Variants in OXNAD1 observed in about 807,000 individuals in gnomAD.
The protein encoded by OXNAD1 is oxidoreductase NAD binding domain containing 1, also known as oxidoreductase NAD-binding domain-containing protein 1.
Under a neutral mutation model 32.9 loss-of-function variants are expected in OXNAD1, and 34 were observed. The ratio of observed to expected loss-of-function variants is 1.03; its 90% CI spans 0.79 to 1.38. The LOEUF is 1.38. Ranked by LOEUF, OXNAD1 falls within the 40% of genes most tolerant of loss-of-function variation. OXNAD1 has a pLI of 0.00. For synonymous variants in OXNAD1, 134 were observed against 135.2 expected (o/e 0.99, Z 0.06); for missense variants, 407 against 379.4 (o/e 1.07, Z -0.60).
chr3:16,341,310 C>T (rs1424257807), downstream of OXNAD1, among the ~76,000 whole-genome samples: 2 of 152,186 alleles, frequency 1.3e-5, no homozygotes, highest in Non-Finnish European at 2.9e-5. This position sits in a 1 kb window ranked among gnomAD's most constrained non-coding sequence, Gnocchi z 4.7. Flanking sequence ...TTGGTATTTA[C>T]CCAAATAAGC....
chr3:16,328,348 C>T (rs1170911019), intron 9 of OXNAD1, among the ~76,000 whole-genome samples: 2 of 152,226 alleles, frequency 1.3e-5, no homozygotes, highest in African/African-American at 4.8e-5. Flanking sequence ...AGAAGGTGGC[C>T]ACGTGTGGTG....
At position 16,320,493 on chromosome 3, in the gene OXNAD1, C is replaced by G. The variant is rs752796646; in HGVS notation, c.*31-16619C>G. On this transcript the variant is annotated intron_variant, in intron 9 of 9. Transcript: ENST00000435829. This position sits in a 1 kb window ranked among gnomAD's most constrained non-coding sequence, Gnocchi z 4.5. ...CACCAACTAAAATCTGGGTACACAA[C>G]ACAGGAAAAAGGTCTTTGCTCTTGT... Among the ~76,000 whole-genome samples, 2 of 152,162 alleles carry G rather than the reference C, an allele frequency of 1.3e-5. No individual in the cohort carries two copies. The highest frequency in any genetic ancestry group is 1.5e-5 in the Non-Finnish European group (1 of 68,020).
At chr3:16,294,730 T>C (rs1311668222) in intron 5 of OXNAD1, 126 bp from the exon 6 acceptor site, 2 of 898,262 alleles carry the variant, frequency 2.2e-6, no homozygotes, top group South Asian at 4.2e-5. Flanking sequence ...TGTGATGATA[T>C]CTCCTCTTTT....
At position 16,312,156 on chromosome 3, in the gene OXNAD1, A is replaced by AC. The variant is rs2068022450; in HGVS notation, c.*30+8565dup. 6.6e-6 allele frequency among the ~76,000 whole-genome samples: 1 copy of AC among 152,210 alleles called. No individual in the cohort carries two copies. The highest frequency in any genetic ancestry group is 1.5e-5 in the Non-Finnish European group (1 of 68,032). On this transcript the variant is annotated intron_variant, in intron 9 of 9. Coordinates refer to the OXNAD1 transcript ENST00000435829. The surrounding 1 kb of genome is among the most constrained non-coding windows in gnomAD (Gnocchi z 4.7). ...TCAACAGGAACCTGTGGTGAACATC[A>AC]CTTTGCTTCCTTCTCTGGCAACAGC...
chr3:16,285,934 A>G (rs892994353), intron 4 of OXNAD1, among the ~76,000 whole-genome samples: 1 of 152,112 alleles, frequency 6.6e-6, no homozygotes, highest in African/African-American at 2.4e-5. Context: ...AGTGGGCCTC[A>G]CTTTGCCCAG....
rs1559764051 is a variant in OXNAD1, at chr3:16,299,242, G to A, written c.433-2384G>A. Among the ~76,000 whole-genome samples, 1 of 152,216 alleles carries A rather than the reference G, an allele frequency of 6.6e-6. No individual in the cohort carries two copies. The highest frequency in any genetic ancestry group is 6.5e-5 in the Admixed American group (1 of 15,274). ...TGCACAGGCAAGCAAGAGAGGGAGG[G>A]AAGGAGGATATAGGAGATGAAATTC... is the stretch of plus-strand genomic sequence containing the variant. On this transcript the variant is annotated intron_variant, in intron 6 of 8. Coordinates refer to ENST00000285083, the MANE Select transcript of OXNAD1 (RefSeq NM_138381.5). The surrounding 1 kb of genome is among the most constrained non-coding windows in gnomAD (Gnocchi z 4.4).
intron 5 of OXNAD1, among the ~76,000 whole-genome samples, chr3:16,291,429 C>T (rs1470404551): frequency 6.6e-6 from 1 of 152,206 alleles, no homozygotes; most frequent in African/African-American, 2.4e-5. Context: ...TATCCTCCTG[C>T]CCGGCTTAGA....
Position 16,302,019 on chromosome 3 carries a change from A to G in OXNAD1, c.675+151A>G. ...TGCTTAAATGAGAACTAACCAACAC[A>G]CCTTACCCAAGACAAGTAAAACTGC... On this transcript the variant is annotated intron_variant, in intron 7 of 8. Transcript: ENST00000285083. The surrounding 1 kb of genome is among the most constrained non-coding windows in gnomAD (Gnocchi z 4.2). 9.9e-7 allele frequency: 1 copy of G among 1,011,144 alleles called. No individual in the cohort carries two copies. The highest frequency in any genetic ancestry group is 1.4e-6 in the Non-Finnish European group (1 of 709,354). The allele number at this position is 1,011,144 out of a possible 1,614,324, so 62.6% of individuals were successfully genotyped here.
downstream of OXNAD1, among the ~76,000 whole-genome samples, chr3:16,306,942 G>A (rs1227261219): frequency 6.6e-6 from 1 of 152,062 alleles, no homozygotes; most frequent in African/African-American, 2.4e-5. Context: ...TCACCTAATT[G>A]TTTTAGCAGC....
intron 1 of OXNAD1, among the ~76,000 whole-genome samples, chr3:16,267,290 C>T (rs1403206312): frequency 2.6e-5 from 4 of 152,170 alleles, no homozygotes; most frequent in Non-Finnish European, 5.9e-5. Context: ...CTGCCCCTCT[C>T]CCTCTGTTAT....
At position 16,277,215 on chromosome 3, in the gene OXNAD1, C is replaced by T. The variant is rs547058949; in HGVS notation, c.183+5493C>T. ...GTGCTGGGATTACAGGCATGAGCCA[C>T]AGCTCCTGGCCCTCCTCTTCTGTTT... On this transcript the variant is annotated intron_variant, in intron 4 of 8. Coordinates refer to ENST00000285083, the MANE Select transcript of OXNAD1 (RefSeq NM_138381.5). The surrounding 1 kb of genome is among the most constrained non-coding windows in gnomAD (Gnocchi z 4.3). 2.6e-5 allele frequency among the ~76,000 whole-genome samples: 4 copies of T among 152,312 alleles called. No individual in the cohort carries two copies. The highest frequency in any genetic ancestry group is 4.1e-4 in the South Asian group (2 of 4,828).
intron 4 of OXNAD1, among the ~76,000 whole-genome samples, chr3:16,276,855 A>T (rs976276138): frequency 6.6e-6 from 1 of 151,888 alleles, no homozygotes; most frequent in African/African-American, 2.4e-5. Context: ...GGAAAATCCA[A>T]TCATGGTACT....
rs1468227235 is a variant in OXNAD1, at chr3:16,269,287, CTTCT to C, written c.-9+20_-9+23del. 7.8e-6 allele frequency: 12 copies of C among 1,533,856 alleles called. No individual in the cohort carries two copies. Among genetic ancestry groups the C allele is most frequent in the African/African-American group, 2.7e-5 (2 of 72,956 alleles). ...CGTGGACTTCTAAGGTAAGTTTCAA[CTTCT>C]TTCTTTCAGGGATTAAGGTAACATT... On this transcript the variant is annotated intron_variant, in intron 2 of 8. Coordinates refer to ENST00000285083, the MANE Select transcript of OXNAD1 (RefSeq NM_138381.5).
chr3:16,308,968 TAAATA>T (rs1236099095), downstream of OXNAD1, among the ~76,000 whole-genome samples: 1 of 152,198 alleles, frequency 6.6e-6, no homozygotes, highest in African/African-American at 2.4e-5. This position sits in a 1 kb window ranked among gnomAD's most constrained non-coding sequence, Gnocchi z 4.4. Flanking sequence ...CCACAAATAT[TAAATA>T]AAATTATATA....
exon 10 of OXNAD1, chr3:16,350,197 A>G (rs540124727): frequency 6.6e-6 from 1 of 152,346 alleles, no homozygotes; most frequent in African/African-American, 2.4e-5. Context: ...ATGTCAGCTT[A>G]TACAGAATGA....
rs1248221153 is a variant in OXNAD1 at position 16,265,977 on chromosome 3, AGT to A, written c.-159+474_-159+475del. 1.3e-5 allele frequency: 11 copies of A among 866,670 alleles called. No homozygotes were observed. The highest frequency in any genetic ancestry group is 5.8e-4 in the Middle Eastern group (1 of 1,730). 53.7% of individuals were successfully genotyped at this position (866,670 alleles called of 1,614,324 possible). On this transcript the variant is annotated intron_variant, in intron 1 of 8. Transcript: ENST00000285083. This position sits in a 1 kb window ranked among gnomAD's most constrained non-coding sequence, Gnocchi z 4.8. ...TAAAAGGCATTTTTGTCTTGAAAGCAGTGCTAGTGCCTGTTTTGGTAAAACCG... is the reference window on the plus strand; with the variant it reads ...TAAAAGGCATTTTTGTCTTGAAAGCAGCTAGTGCCTGTTTTGGTAAAACCG...
intron 9 of OXNAD1, chr3:16,313,709 T>C (rs2068131561): frequency 6.6e-6 from 1 of 152,278 alleles, no homozygotes; most frequent in Non-Finnish European, 1.5e-5. Context: ...AGGTTACACA[T>C]GTAGACTGGG....
rs1288482942 is a variant in OXNAD1, at chr3:16,284,433, C to A, written c.184-1909C>A. On this transcript the variant is annotated intron_variant, in intron 4 of 8. Coordinates refer to ENST00000285083, the MANE Select transcript of OXNAD1 (RefSeq NM_138381.5). The surrounding 1 kb of genome is among the most constrained non-coding windows in gnomAD (Gnocchi z 4.1). ...GGGGATAGCCTACTACACACTTAGG[C>A]TAAATGGTATAGCCTATTGTTCCTA... is the stretch of plus-strand genomic sequence containing the variant. 1.3e-5 allele frequency among the ~76,000 whole-genome samples: 2 copies of A among 152,158 alleles called. No homozygotes were observed. Among genetic ancestry groups the A allele is most frequent in the Non-Finnish European group, 2.9e-5 (2 of 68,028 alleles).
In OXNAD1 at chr3:16,304,796, A is replaced by G. The variant is rs895083840; in HGVS notation, c.*1234A>G. 2.0e-5 allele frequency: 3 copies of G among 152,216 alleles called. No individual in the cohort carries two copies. Among genetic ancestry groups the G allele is most frequent in the African/African-American group, 7.2e-5 (3 of 41,442 alleles). 9.4% of individuals were successfully genotyped at this position (152,216 alleles called of 1,614,324 possible). A position where few individuals can be genotyped will look rare whatever the true frequency, so the allele number is the denominator to read the frequency against. On this transcript the variant is annotated 3_prime_UTR_variant, in exon 9 of 9. Coordinates refer to ENST00000285083, the MANE Select transcript of OXNAD1 (RefSeq NM_138381.5). The surrounding 1 kb of genome is among the most constrained non-coding windows in gnomAD (Gnocchi z 4.6). The stretch of plus-strand genomic sequence containing the variant: ...TGTTCTGGAGCGGATGAGAGAAGAC[A>G]GGTTACCCTTTCTTATCTTTGTTGT...
Sources: allele counts gnomAD v4.1 joint callset (sites outside exome capture counted in the v4.1 genomes callset), GRCh38; gene constraint gnomAD v4.1.1; non-coding constraint Gnocchi (gnomAD v3.1); transcripts MANE v1.5; gene names NCBI Gene and HGNC (gene_info 2026-07-23, HGNC 2026-07-21).